Variants in CAPN2 observed in about 807,000 individuals in gnomAD.
CAPN2 encodes calpain-2 catalytic subunit.
A neutral mutation model predicts 102.3 loss-of-function variants in CAPN2; 92 were observed. That is an observed-to-expected ratio of 0.90 (90% CI 0.76 to 1.07). CAPN2 has a LOEUF of 1.07. Ranked by LOEUF, CAPN2 falls within the 50% of genes least tolerant of loss-of-function variation. CAPN2 has a pLI of 0.00. For synonymous variants in CAPN2, 340 were observed against 355.4 expected, an observed-to-expected ratio of 0.96 and a Z score of 0.49; for missense variants, 800 against 909.4, an observed-to-expected ratio of 0.88 and a Z score of 1.55.
Position 223,744,189 on chromosome 1 carries a change from G to A in CAPN2, c.397G>A (p.Glu133Lys). 1 of 1,613,702 alleles carries A rather than the reference G, an allele frequency of 6.2e-7. No homozygotes were observed. The highest frequency in any genetic ancestry group is 8.5e-7 in the Non-Finnish European group (1 of 1,179,596). Reference protein sequence around the residue: ...RVVPLNQSFQENYAGIFHFQF... With the variant: ...RVVPLNQSFQKNYAGIFHFQF... The stretch of plus-strand genomic sequence containing the variant: ...CGTCCCCCTAAACCAGAGCTTCCAG[G>A]AAAACTATGCAGGGATCTTTCACTT... The change falls in exon 3 of 21, where the codon GAA becomes AAA. Residue 133 changes from glutamate to lysine, a missense_variant. Coordinates refer to ENST00000295006, the MANE Select transcript of CAPN2 (RefSeq NM_001748.5).
At chr1:223,712,469 G>A (rs577972410), upstream of CAPN2, 137 of 1,158,238 alleles carry the variant, frequency 1.2e-4, no homozygotes, top group Non-Finnish European at 1.4e-4. Context: ...GCCGGGAGCG[G>A]CTGAGGCCAC....
At chr1:223,747,193 C>T (rs762216620) in intron 5 of CAPN2, 28 bp downstream of exon 5, 2 of 1,583,306 alleles carry the variant, frequency 1.3e-6, no homozygotes, top group African/African-American at 1.3e-5. Flanking sequence ...TCCCTAGCCT[C>T]ACCCCATCTG....
intron 2 of CAPN2, among the ~76,000 whole-genome samples, chr1:223,733,368 C>A (rs971820723): frequency 2.0e-5 from 3 of 152,218 alleles, no homozygotes; most frequent in East Asian, 1.9e-4. Context: ...TCCCACCCCC[C>A]AGGATGGGCT....
Position 223,769,898 on chromosome 1 carries a change from C to A in CAPN2, c.1813C>A (p.Gln605Lys), listed in dbSNP as rs780122598. 1.2e-6 allele frequency: 2 copies of A among 1,600,958 alleles called. No individual in the cohort carries two copies. The highest frequency in any genetic ancestry group is 2.3e-5 in the East Asian group (1 of 44,420). The change falls in exon 17 of 21, where the codon CAA (glutamine) becomes AAA (lysine). Residue 605 changes from glutamine (Q) to lysine (K), a missense_variant. Coordinates refer to ENST00000295006, the MANE Select transcript of CAPN2 (RefSeq NM_001748.5). ...GTTCTACATTCTCTGGACGAAGATT[C>A]AAAAATACCAAGTAAGATCCCAGAG... ...KEFYILWTKI[Q>K]KYQKIYREID...
At chr1:223,732,429 C>G (rs1571791879) in intron 2 of CAPN2, among the ~76,000 whole-genome samples, 2 of 152,300 alleles carry the variant, frequency 1.3e-5, no homozygotes, top group East Asian at 3.9e-4. Context: ...ATTATTCATG[C>G]CTCCTCTTTT....
Position 223,748,972 on chromosome 1 carries a change from G to A in CAPN2, c.730-67G>A, listed in dbSNP as rs903581014. 8 of 1,435,224 alleles carry A rather than the reference G, an allele frequency of 5.6e-6. No individual in the cohort carries two copies. The African/African-American group carries it at 8.4e-5, about 15-fold the overall frequency. 88.9% of individuals were successfully genotyped at this position (1,435,224 alleles called of 1,614,324 possible). ...CGGTCCCGCCCGGCAGTAGGACAGA[G>A]GGAGCGAGGGAGTCCGGGAGGAAGG... On this transcript the variant is annotated intron_variant, in intron 5 of 20. Coordinates refer to ENST00000295006, the MANE Select transcript of CAPN2 (RefSeq NM_001748.5).
chr1:223,775,843 C>T lies in CAPN2; in HGVS notation c.*986C>T, dbSNP rs963033478. ...AATAAAGGGTTACCCCATGCAATCACACCATGCCATGTTTTCCTTCCTGGA... is the reference window on the plus strand; with the variant it reads ...AATAAAGGGTTACCCCATGCAATCATACCATGCCATGTTTTCCTTCCTGGA... On this transcript the variant is annotated 3_prime_UTR_variant, in exon 21 of 21. Transcript: ENST00000295006. 2.0e-5 allele frequency: 3 copies of T among 152,664 alleles called. No homozygotes were observed. Among genetic ancestry groups the T allele is most frequent in the Non-Finnish European group, 2.9e-5 (2 of 68,048 alleles). The allele number at this position is 152,664 out of a possible 1,614,324, so 9.5% of individuals were successfully genotyped here. A position where few individuals can be genotyped will look rare whatever the true frequency, so the allele number is the denominator to read the frequency against.
intron 12 of CAPN2, among the ~76,000 whole-genome samples, chr1:223,761,119 C>T (rs1661172116): frequency 6.6e-6 from 1 of 152,250 alleles, no homozygotes; most frequent in African/African-American, 2.4e-5. Context: ...CTGCATGATT[C>T]TCAGTGTGAA....
chr1:223,717,772 C>A lies in CAPN2; in HGVS notation c.248C>A (p.Ala83Asp). ...IEWKRPTEICADPQFIIGGAT... is the reference protein window; with the variant it reads ...IEWKRPTEICDDPQFIIGGAT... ...GGGTCTCGTTCCCAGGAGATCTGCG[C>A]TGACCCCCAGTTTATCATTGGAGGA... The change falls in exon 2 of 21, where the codon GCT becomes GAT. Residue 83 changes from alanine to aspartate, a missense_variant. By Grantham distance (126) the Ala-to-Asp change is moderately radical. Transcript: ENST00000295006. 6.2e-7 allele frequency: 1 copy of A among 1,614,064 alleles called. No individual in the cohort carries two copies. The highest frequency in any genetic ancestry group is 8.5e-7 in the Non-Finnish European group (1 of 1,179,912).
rs1395628450 is a variant in CAPN2 at position 223,756,537 on chromosome 1, A to G, written c.1306-832A>G. On this transcript the variant is annotated intron_variant, in intron 10 of 20. Transcript: ENST00000295006. The surrounding 1 kb of genome is among the most constrained non-coding windows in gnomAD (Gnocchi z 4.1). The stretch of plus-strand genomic sequence containing the variant: ...ACCATGGAAAGTGGCAAATAGTACA[A>G]ATCAGAGCTTCCACCCTCTCCCAAG... 5.3e-5 allele frequency among the ~76,000 whole-genome samples: 8 copies of G among 152,072 alleles called. No individual in the cohort carries two copies. The highest frequency in any genetic ancestry group is 5.2e-4 in the Admixed American group (8 of 15,278).
In CAPN2 at chr1:223,755,710, G is replaced by A. The variant is rs1661018477; in HGVS notation, c.1305+61G>A. On this transcript the variant is annotated intron_variant, in intron 10 of 20. Transcript: ENST00000295006. The surrounding 1 kb of genome is among the most constrained non-coding windows in gnomAD (Gnocchi z 4.1). The stretch of plus-strand genomic sequence containing the variant: ...ATGTGTTCATCTCAGCCCCTGCATG[G>A]AAAGCTGACCCCAGAGGCAGAACTG... 1.4e-6 allele frequency: 2 copies of A among 1,453,874 alleles called. No homozygotes were observed. Among genetic ancestry groups the A allele is most frequent in the Non-Finnish European group, 1.8e-6 (2 of 1,089,550 alleles). The allele number at this position is 1,453,874 out of a possible 1,614,324, so 90.1% of individuals were successfully genotyped here. A position where few individuals can be genotyped will look rare whatever the true frequency, so the allele number is the denominator to read the frequency against.
At chr1:223,717,968 T>C in intron 2 of CAPN2, 137 bp downstream of exon 2, 1 of 699,690 alleles carries the variant, frequency 1.4e-6, no homozygotes, top group South Asian at 1.7e-5. Flanking sequence ...TCCATGGAAT[T>C]TCTTGGCCCT....
At chr1:223,708,006 G>A (rs1192847979), upstream of CAPN2, among the ~76,000 whole-genome samples, 1 of 152,210 alleles carries the variant, frequency 6.6e-6, no homozygotes, top group Non-Finnish European at 1.5e-5. Context: ...TCGGGGTGGG[G>A]CCAATGGAAA....
intron 1 of CAPN2, among the ~76,000 whole-genome samples, chr1:223,706,419 CT>C (rs1179352703): frequency 6.6e-6 from 1 of 151,984 alleles, no homozygotes; most frequent in Admixed American, 6.5e-5. Flanking sequence ...TTTTGCAGCC[CT>C]GTGGAATTCA....
Position 223,724,406 on chromosome 1 carries a change from T to C in CAPN2, c.307+6575T>C, listed in dbSNP as rs530627648. Among the ~76,000 whole-genome samples the C allele has an allele frequency of 3.9e-5, 6 of 152,300 alleles. No individual in the cohort carries two copies. The South Asian group carries it at 1.2e-3, about 32-fold the overall frequency. On this transcript the variant is annotated intron_variant, in intron 2 of 20. Transcript: ENST00000295006. ...CCACTTCTAGACCACCCCTGTCCCA[T>C]AGAGCTTCTAGTGATGATGGAAACC...
chr1:223,728,208 G>A (rs749451823), intron 2 of CAPN2, among the ~76,000 whole-genome samples: 9 of 152,078 alleles, frequency 5.9e-5, no homozygotes, highest in African/African-American at 7.2e-5. Flanking sequence ...GAAGGATGAC[G>A]GGGCTGAGCT....
At chr1:223,715,275 G>A (rs1659847228) in intron 1 of CAPN2, among the ~76,000 whole-genome samples, 1 of 152,144 alleles carries the variant, frequency 6.6e-6, no homozygotes, top group Non-Finnish European at 1.5e-5. Context: ...TAAAGGAACT[G>A]GAAATTAAGA....
At chr1:223,713,485 CGGGA>C (rs568972120) in intron 1 of CAPN2, among the ~76,000 whole-genome samples, 16,676 of 152,178 alleles carry the variant, frequency 0.11, 1,566 homozygotes, top group African/African-American at 0.23. Flanking sequence ...GTTTCCCTGG[CGGGA>C]ATCACCCGGG....
rs1661128272 is a variant in CAPN2, at chr1:223,759,368, C to G, written c.1416C>G (p.Leu472=). The part of the protein sequence containing the change: ...SDTFINLREV[L]NRFKLPPGEY... ...CCTTCATCAACCTCCGGGAGGTGCT[C>G]AACCGCTTCAAGCTGCCGCCAGGAG... Residue 472 remains leucine (L), a synonymous_variant, in exon 12 of 21, where the codon CTC becomes CTG. Coordinates refer to ENST00000295006, the MANE Select transcript of CAPN2 (RefSeq NM_001748.5). The surrounding 1 kb of genome is among the most constrained non-coding windows in gnomAD (Gnocchi z 4.6). 2 of 1,614,210 alleles carry G rather than the reference C, an allele frequency of 1.2e-6. No homozygotes were observed. Among genetic ancestry groups the G allele is most frequent in the Non-Finnish European group, 1.7e-6 (2 of 1,180,036 alleles).
Sources: gnomAD v4.1 joint callset for allele counts (sites outside exome capture counted in the v4.1 genomes callset) on GRCh38, gnomAD v4.1.1 for gene constraint, Gnocchi (gnomAD v3.1) non-coding constraint, MANE v1.5 for transcripts, NCBI Gene and HGNC (gene_info 2026-07-23, HGNC 2026-07-21) for gene names.